The following ARHGEF37 variants were observed in gnomAD, a reference collection of about 807,000 sequenced individuals.
ARHGEF37 encodes the protein Rho guanine nucleotide exchange factor (GEF) 37.
Under a neutral mutation model 71.1 loss-of-function variants are expected in ARHGEF37, and 55 were observed. That is an observed-to-expected ratio of 0.77 (90% confidence interval 0.62 to 0.97). The LOEUF is 0.97. Ranked by LOEUF, ARHGEF37 falls within the 50% of genes least tolerant of loss-of-function variation. The probability of loss-of-function intolerance (pLI) is 0.00; values close to 1 mark genes in which losing one functional copy is unlikely to be tolerated. For synonymous variants in ARHGEF37, 327 were observed against 350.6 expected, an observed-to-expected ratio of 0.93 and a Z score of 0.75; for missense variants, 765 against 836.8, an observed-to-expected ratio of 0.91 and a Z score of 1.06.
chr5:149,631,878 G>A, intron 12 of ARHGEF37, 104 bp from the exon 13 acceptor site: 3 of 1,176,256 alleles, frequency 2.6e-6, no homozygotes, highest in Non-Finnish European at 3.6e-6. Context: ...CCAGCAATGG[G>A]GACGAGAGCC....
intron 3 of ARHGEF37, among the ~76,000 whole-genome samples, chr5:149,607,091 C>T (rs186532407): frequency 1.3e-5 from 2 of 152,084 alleles, no homozygotes; most frequent in Admixed American, 6.6e-5. Flanking sequence ...TTAGTAGAGA[C>T]GGGGTTTCGC....
At chr5:149,580,023 CT>C (rs1561786543), upstream of ARHGEF37, among the ~76,000 whole-genome samples, 1 of 152,098 alleles carries the variant, frequency 6.6e-6, no homozygotes, top group Admixed American at 6.6e-5. Flanking sequence ...CATAGGGCTA[CT>C]TTTTTGAAAA....
chr5:149,559,092 G>T (rs13179497), intron 1 of ARHGEF37, among the ~76,000 whole-genome samples: 1 of 152,040 alleles, frequency 6.6e-6, no homozygotes, highest in African/African-American at 2.4e-5. Context: ...GGAGGCCGAG[G>T]TGGGCAGATC....
intron 1 of ARHGEF37, among the ~76,000 whole-genome samples, chr5:149,568,165 T>C (rs1198775879): frequency 2.6e-5 from 4 of 152,024 alleles, no homozygotes; most frequent in Admixed American, 6.6e-5. Flanking sequence ...GGACTACAGG[T>C]GTGCACCACC....
intron 6 of ARHGEF37, 28 bp downstream of exon 6, chr5:149,618,334 A>G (rs375185991): frequency 6.2e-7 from 1 of 1,613,700 alleles, no homozygotes; most frequent in Admixed American, 1.7e-5. Flanking sequence ...AGGAAGAGTC[A>G]CATCCAGCCA....
intron 1 of ARHGEF37, among the ~76,000 whole-genome samples, chr5:149,563,955 T>G (rs956797445): frequency 7.0e-5 from 10 of 143,352 alleles, no homozygotes; most frequent in African/African-American, 2.6e-4. Context: ...AATTTTTTTT[T>G]TTTTTTTTTT....
chr5:149,627,006 GC>G, intron 10 of ARHGEF37, 69 bp from the exon 11 acceptor site: 1 of 1,491,406 alleles, frequency 6.7e-7, no homozygotes, highest in East Asian at 2.3e-5. Context: ...CAAAATGTGA[GC>G]AAATGTTGGT....
At chr5:149,595,329 T>A (rs1324222464) in intron 1 of ARHGEF37, among the ~76,000 whole-genome samples, 1 of 151,828 alleles carries the variant, frequency 6.6e-6, no homozygotes, top group Non-Finnish European at 1.5e-5. Flanking sequence ...GCATGTACCA[T>A]CATGCCTGAC....
At chr5:149,627,663 C>T (rs56225846) in intron 11 of ARHGEF37, among the ~76,000 whole-genome samples, 16,699 of 152,200 alleles carry the variant, frequency 0.11, 1,190 homozygotes, top group African/African-American at 0.2. Flanking sequence ...CTGGCTACAC[C>T]GCCAGAAGTC....
intron 1 of ARHGEF37, among the ~76,000 whole-genome samples, chr5:149,592,459 G>A (rs1763437885): frequency 6.6e-6 from 1 of 152,148 alleles, no homozygotes; most frequent in African/African-American, 2.4e-5. Flanking sequence ...CATCCAAGCT[G>A]TTGCTGTATC....
At chr5:149,565,233 CTAGTA>C (rs200209937) in intron 1 of ARHGEF37, among the ~76,000 whole-genome samples, 482 of 152,336 alleles carry the variant, frequency 3.2e-3, no homozygotes, top group African/African-American at 0.011. Context: ...GTTCTTCCTT[CTAGTA>C]TAGTGCCATC....
chr5:149,629,215 GATTCATT>G (rs1169772102), intron 12 of ARHGEF37, among the ~76,000 whole-genome samples: 1 of 151,344 alleles, frequency 6.6e-6, no homozygotes, highest in East Asian at 2.0e-4. Context: ...GGGCAAGTGA[GATTCATT>G]CATTCATTCA....
chr5:149,631,968 C>T lies in ARHGEF37; in HGVS notation c.1819-14C>T, dbSNP rs779454314. 10 of 1,613,368 alleles carry T rather than the reference C, an allele frequency of 6.2e-6. No homozygotes were observed. The highest frequency in any genetic ancestry group is 5.3e-5 in the African/African-American group (4 of 74,926). On this transcript the variant is annotated splice_polypyrimidine_tract_variant and intron_variant, in intron 12 of 12. Transcript: ENST00000333677. ...CACCCTGACCATTTCTGTGTCACTC[C>T]CCATGTGTTTCAGGTCATAGCCGCG...
chr5:149,626,529 C>T (rs920913139), intron 10 of ARHGEF37, among the ~76,000 whole-genome samples: 2 of 152,206 alleles, frequency 1.3e-5, no homozygotes, highest in African/African-American at 4.8e-5. Flanking sequence ...ATTTCTACTA[C>T]ACCATTCTCA....
chr5:149,594,664 C>G (rs991512898), intron 1 of ARHGEF37, among the ~76,000 whole-genome samples: 6 of 152,144 alleles, frequency 3.9e-5, no homozygotes, highest in Non-Finnish European at 1.5e-5. Flanking sequence ...ATCTTGCCTC[C>G]AAGAGCTTAG....
intron 1 of ARHGEF37, among the ~76,000 whole-genome samples, chr5:149,558,689 A>ATG (rs1201818057): frequency 1.3e-4 from 7 of 52,650 alleles, no homozygotes; most frequent in Non-Finnish European, 2.1e-4. Context: ...AACCATATAT[A>ATG]TATGTGTGTG....
Position 149,597,870 on chromosome 5 carries a change from C to G in ARHGEF37, c.101C>G (p.Ala34Gly), listed in dbSNP as rs199767707. Residue 34 changes from alanine (A) to glycine (G), a missense_variant, in exon 2 of 13, where the codon GCT (alanine) becomes GGT (glycine). Ala to Gly is a moderately conservative substitution (Grantham distance 60). Coordinates refer to ENST00000333677, the MANE Select transcript of ARHGEF37 (RefSeq NM_001001669.3). Reference protein sequence around the residue: ...EDRSLLHQRLAVRELIDTEVS... With the variant: ...EDRSLLHQRLGVRELIDTEVS... ...AGATCGCTGCTTCATCAGAGGCTGG[C>G]TGTCCGGGAGCTCATCGACACTGAG... The G allele has an allele frequency of 1.7e-5, 28 of 1,609,902 alleles. No individual in the cohort carries two copies. The African/African-American group carries it at 2.5e-4, about 15-fold the overall frequency.
At chr5:149,586,078 A>G (rs1763229303) in intron 1 of ARHGEF37, among the ~76,000 whole-genome samples, 1 of 152,208 alleles carries the variant, frequency 6.6e-6, no homozygotes, top group South Asian at 2.1e-4. Context: ...TGAATAATAG[A>G]CACATGATCC....
At chr5:149,567,904 G>A (rs1443557910) in intron 1 of ARHGEF37, among the ~76,000 whole-genome samples, 1 of 152,170 alleles carries the variant, frequency 6.6e-6, no homozygotes, top group East Asian at 1.9e-4. Context: ...GGTACCAAAT[G>A]TGTTTATCTC....
Sources: allele counts gnomAD v4.1 joint callset (sites outside exome capture counted in the v4.1 genomes callset), GRCh38; gene constraint gnomAD v4.1.1; transcripts MANE v1.5; gene names NCBI Gene and HGNC (gene_info 2026-07-23, HGNC 2026-07-21).